WDR43: variants seen among roughly 807,000 people sequenced by gnomAD.
WDR43 encodes WD repeat domain 43.
WDR43 carries 13 observed loss-of-function variants against 91.4 expected under a neutral mutation model. The observed-to-expected ratio is 0.14, with a 90% CI of 0.09 to 0.23. The LOEUF (loss-of-function observed/expected upper bound fraction) is 0.23, where lower values mean the gene tolerates loss of function less well. WDR43 is among the 10% of genes least tolerant of loss of function. The pLI, the probability that WDR43 is intolerant of heterozygous loss-of-function variation, is 1.00. For missense variants in WDR43, 780 were observed against 809.4 expected (o/e 0.96, Z 0.44); for synonymous variants, 331 against 287.9 (o/e 1.15, Z -1.51).
At chr2:28,899,395 G>T (rs1191643522) in intron 1 of WDR43, among the ~76,000 whole-genome samples, 1 of 152,112 alleles carries the variant, frequency 6.6e-6, no homozygotes, top group Non-Finnish European at 1.5e-5. Context: ...GCATGGATAG[G>T]ATTTTTAACC....
chr2:28,907,446 C>CA (rs34966684), intron 3 of WDR43, among the ~76,000 whole-genome samples: 46 of 19,234 alleles, frequency 2.4e-3, no homozygotes, highest in South Asian at 0.019. Flanking sequence ...CACCTCTTTA[C>CA]AAAAAAAAAA....
chr2:28,937,894 T>G (rs1302248831), intron 13 of WDR43, 37 bp from the exon 14 acceptor site: 1 of 1,605,472 alleles, frequency 6.2e-7, no homozygotes, highest in Admixed American at 1.7e-5. Context: ...TACTTTTGAA[T>G]TTGTGAACAT....
chr2:28,896,826 T>A (rs996998771), intron 1 of WDR43, among the ~76,000 whole-genome samples: 1 of 152,226 alleles, frequency 6.6e-6, no homozygotes, highest in African/African-American at 2.4e-5. Flanking sequence ...AGCAAGTTGT[T>A]TTAATTTTGA....
intron 5 of WDR43, among the ~76,000 whole-genome samples, chr2:28,915,723 A>G (rs538669439): frequency 8.7e-4 from 132 of 152,328 alleles, no homozygotes; most frequent in African/African-American, 2.9e-3. Context: ...CTGTGGATAT[A>G]ACATTCGAAG....
intron 14 of WDR43, among the ~76,000 whole-genome samples, chr2:28,940,111 C>A (rs375707252): frequency 0.015 from 1,549 of 103,154 alleles, no homozygotes; most frequent in African/African-American, 0.018. Flanking sequence ...GACTCCGTCT[C>A]AAAAAAAAAA....
chr2:28,895,837 A>G (rs754817307), intron 1 of WDR43: 3 of 152,174 alleles, frequency 2.0e-5, no homozygotes, highest in Admixed American at 6.5e-5. Context: ...CTGCAAAGTG[A>G]TTTGGAAACA....
Position 28,894,678 on chromosome 2 carries a change from T to TGCAGCGGGGCCAGA in WDR43, c.-15_-2dup. The TGCAGCGGGGCCAGA allele has an allele frequency of 2.6e-6, 4 of 1,538,228 alleles. No homozygotes were observed. Among genetic ancestry groups the TGCAGCGGGGCCAGA allele is most frequent in the Non-Finnish European group, 2.6e-6 (3 of 1,140,090 alleles). ...GCCTGCGCACGGACGAACACGTGGC[T>TGCAGCGGGGCCAGA]GCAGCGGGGCCAGAGCAGCAATGGC... On this transcript the variant is annotated 5_prime_UTR_variant, in exon 1 of 18. Transcript: ENST00000407426.
chr2:28,938,145 G>C (rs981396751), intron 14 of WDR43, among the ~76,000 whole-genome samples, 151 bp downstream of exon 14: 8 of 152,054 alleles, frequency 5.3e-5, no homozygotes, highest in Non-Finnish European at 8.8e-5. Flanking sequence ...TTTTACCCCG[G>C]GTGCAATGAC....
rs754464477 is a variant in WDR43 at position 28,894,767 on chromosome 2, G to A, written c.69G>A (p.Pro23=). The change falls in exon 1 of 18, where the codon CCG becomes CCA. Residue 23 remains proline, a synonymous_variant. Transcript: ENST00000407426. ...APAGVPCAFS[P]HSQAYFALAS... ...CTGGGGTCCCTTGCGCCTTCTCCCCGCACAGCCAGGCCTACTTCGCTTTGG... is the reference window on the plus strand; with the variant it reads ...CTGGGGTCCCTTGCGCCTTCTCCCCACACAGCCAGGCCTACTTCGCTTTGG... 37 of 1,603,548 alleles carry A rather than the reference G, an allele frequency of 2.3e-5. No homozygotes were observed. The highest frequency in any genetic ancestry group is 3.4e-5 in the Admixed American group (2 of 58,490).
Position 28,894,874 on chromosome 2 carries a change from G to A in WDR43, c.176G>A (p.Ser59Asn). ...HQEYVPSAHL[S>N]GTCTCLAWAP... ...GAGTACGTGCCTTCCGCGCACCTCA[G>A]TGGTACCTGCACCTGTCTGGCCTGG... Residue 59 changes from serine to asparagine, a missense_variant, in exon 1 of 18, where the codon AGT becomes AAT. Around this residue, in one of 4 missense-constraint regions of WDR43, gnomAD observed 175 missense variants for 113.8 expected, o/e 1.54. Coordinates refer to ENST00000407426, the MANE Select transcript of WDR43 (RefSeq NM_015131.3). 6.2e-7 allele frequency: 1 copy of A among 1,608,874 alleles called. No homozygotes were observed. The highest frequency in any genetic ancestry group is 8.5e-7 in the Non-Finnish European group (1 of 1,177,968).
At chr2:28,922,852 T>TC (rs375483343) in intron 6 of WDR43, 67 bp from the exon 7 acceptor site, 4 of 1,263,888 alleles carry the variant, frequency 3.2e-6, no homozygotes, top group African/African-American at 3.0e-5. Context: ...AGCTGAGTTT[T>TC]CATAAGGTAG....
intron 14 of WDR43, among the ~76,000 whole-genome samples, chr2:28,940,974 A>G (rs891482600): frequency 3.3e-5 from 5 of 152,230 alleles, no homozygotes; most frequent in Non-Finnish European, 7.3e-5. Flanking sequence ...AAAATGCAAA[A>G]GGTCAACTTT....
chr2:28,931,723 G>C (rs1473982157), intron 11 of WDR43, among the ~76,000 whole-genome samples: 1 of 151,658 alleles, frequency 6.6e-6, no homozygotes, highest in African/African-American at 2.4e-5. Flanking sequence ...CATAGGTGTT[G>C]AAAGGGAAAA....
At chr2:28,937,880 A>G in intron 13 of WDR43, 51 bp from the exon 14 acceptor site, 9 of 1,584,938 alleles carry the variant, frequency 5.7e-6, no homozygotes, top group Non-Finnish European at 7.8e-6. Context: ...AGCTCAGTTG[A>G]ATTTACTTTT....
At chr2:28,904,163 G>A (rs1049315262) in intron 2 of WDR43, among the ~76,000 whole-genome samples, 3 of 152,024 alleles carry the variant, frequency 2.0e-5, no homozygotes, top group Non-Finnish European at 2.9e-5. Context: ...TCTTCGACAG[G>A]GATGAATTTA....
At chr2:28,919,430 A>C (rs1670979456) in intron 6 of WDR43, among the ~76,000 whole-genome samples, 1 of 152,136 alleles carries the variant, frequency 6.6e-6, no homozygotes, top group Non-Finnish European at 1.5e-5. Context: ...GCACTTTGGG[A>C]GGCCGAGGCA....
chr2:28,925,763 T>C (rs923760638), intron 8 of WDR43, among the ~76,000 whole-genome samples: 22 of 152,184 alleles, frequency 1.4e-4, no homozygotes, highest in African/African-American at 5.3e-4. Flanking sequence ...GAATATTACA[T>C]GCTCACACAA....
intron 7 of WDR43, among the ~76,000 whole-genome samples, chr2:28,923,604 G>C (rs1671077600): frequency 6.6e-6 from 1 of 152,110 alleles, no homozygotes; most frequent in African/African-American, 2.4e-5. Context: ...TAAGATACCA[G>C]TATAGGAATT....
At chr2:28,898,950 A>G (rs1374144258) in intron 1 of WDR43, among the ~76,000 whole-genome samples, 1 of 152,226 alleles carries the variant, frequency 6.6e-6, no homozygotes, top group Non-Finnish European at 1.5e-5. Context: ...AATTATGCAC[A>G]TGTGCCATTC....
Sources: gnomAD v4.1 joint callset for allele counts (sites outside exome capture counted in the v4.1 genomes callset) on GRCh38, gnomAD v4.1.1 for gene constraint, gnomAD v4.1.1 regional missense constraint, MANE v1.5 for transcripts, NCBI Gene and HGNC (gene_info 2026-07-23, HGNC 2026-07-21) for gene names.